GPHN: variants seen among roughly 807,000 people sequenced by gnomAD.
GPHN encodes gephyrin.
GPHN carries 17 observed loss-of-function variants against 95.5 expected under a neutral mutation model. The observed-to-expected ratio is 0.18, with a 90% CI of 0.12 to 0.27. GPHN has a LOEUF of 0.27. GPHN is among the 10% of genes least tolerant of loss of function. The pLI, the probability that GPHN is intolerant of heterozygous loss-of-function variation, is 1.00. For synonymous variants in GPHN, 320 were observed against 322.5 expected (o/e 0.99, Z 0.08); for missense variants, 660 against 978.1 (o/e 0.67, Z 4.34).
At chr14:66,980,897 A>G (rs2070615223) in intron 9 of GPHN, among the ~76,000 whole-genome samples, 3 of 152,140 alleles carry the variant, frequency 2.0e-5, no homozygotes, top group Admixed American at 1.3e-4. Context: ...TTAAAAACAC[A>G]AAATTAGCTG....
At chr14:67,659,871 G>A in the GPHN span, 1 of 1,614,180 alleles carries the variant, frequency 6.2e-7, no homozygotes, top group Non-Finnish European at 8.5e-7. Flanking sequence ...GACATCATGG[G>A]GTTTCGGAAA....
intron 4 of GPHN, among the ~76,000 whole-genome samples, chr14:66,854,306 C>CT (rs2062710812): frequency 6.6e-6 from 1 of 152,076 alleles, no homozygotes; most frequent in Non-Finnish European, 1.5e-5. Flanking sequence ...TTCCTTTTAT[C>CT]CCAAATAATG....
chr14:67,053,146 A>G (rs2075383968), intron 10 of GPHN, among the ~76,000 whole-genome samples: 1 of 151,278 alleles, frequency 6.6e-6, no homozygotes. Context: ...AAAACCTTAA[A>G]AAAAATCAAT....
At chr14:66,828,891 G>C (rs1818502762) in intron 4 of GPHN, among the ~76,000 whole-genome samples, 1 of 149,788 alleles carries the variant, frequency 6.7e-6, no homozygotes, top group Admixed American at 6.6e-5. Flanking sequence ...TTATGAATTT[G>C]TTTATATTTT....
the GPHN span, chr14:67,733,946 C>A: frequency 1.1e-6 from 1 of 870,558 alleles, no homozygotes; most frequent in Non-Finnish European, 1.9e-6. Context: ...TCTTGGCCAG[C>A]TGGTGCTGCG....
intron 1 of GPHN, among the ~76,000 whole-genome samples, chr14:66,531,193 G>A (rs149699100): frequency 8.5e-5 from 13 of 152,140 alleles, no homozygotes; most frequent in African/African-American, 2.9e-4. Context: ...TGATCCACCC[G>A]CCTTAGCCCC....
chr14:67,144,828 C>G (rs2080803348), intron 18 of GPHN, among the ~76,000 whole-genome samples: 2 of 152,128 alleles, frequency 1.3e-5, no homozygotes, highest in Admixed American at 1.3e-4. Context: ...AGTGTCAGAG[C>G]CTTTCAGAAT....
chr14:66,692,983 A>C (rs1422335851), intron 2 of GPHN, among the ~76,000 whole-genome samples: 1 of 152,064 alleles, frequency 6.6e-6, no homozygotes, highest in Non-Finnish European at 1.5e-5. Context: ...TTATGTGGGT[A>C]ACATCTATTG....
chr14:67,240,411 G>A, the GPHN span, among the ~76,000 whole-genome samples: 1 of 152,324 alleles, frequency 6.6e-6, no homozygotes, highest in Middle Eastern at 3.4e-3. Flanking sequence ...GAGAGAAATG[G>A]AAATGGCATA....
rs544825068 is a variant in GPHN, at chr14:66,680,162, T to C, written c.65-945T>C. 4.6e-5 allele frequency among the ~76,000 whole-genome samples: 7 copies of C among 152,344 alleles called. No homozygotes were observed. In the East Asian group the frequency reaches 1.2e-3, roughly 25 times the overall value. On this transcript the variant is annotated intron_variant, in intron 1 of 22. Transcript: ENST00000478722. Reference sequence around the variant, plus strand: ...AATGTCCTAATGACAACAACTGTTGTGTTGCAGACTCTTCTGTCTGGTGAC... The same window carrying C: ...AATGTCCTAATGACAACAACTGTTGCGTTGCAGACTCTTCTGTCTGGTGAC...
intron 10 of GPHN, among the ~76,000 whole-genome samples, chr14:67,025,910 C>G (rs1420966341): frequency 1.3e-5 from 2 of 152,150 alleles, no homozygotes; most frequent in Non-Finnish European, 2.9e-5. Flanking sequence ...TCCATCAATC[C>G]CAAATGATTA....
chr14:67,411,989 C>A, the GPHN span: 4 of 1,530,526 alleles, frequency 2.6e-6, no homozygotes, highest in South Asian at 4.8e-5. Context: ...CCCACCCGGG[C>A]AATGTCCCGA....
chr14:67,162,538 T>C (rs555714304), intron 19 of GPHN, among the ~76,000 whole-genome samples: 46 of 152,360 alleles, frequency 3.0e-4, no homozygotes, highest in African/African-American at 8.7e-4. Context: ...AGAAAAGCAT[T>C]TGGAGTATCA....
the GPHN span, chr14:67,392,350 C>T: frequency 6.2e-7 from 1 of 1,612,410 alleles, no homozygotes; most frequent in Admixed American, 1.7e-5. Context: ...AGCCTTGTTT[C>T]ACCACCGTGC....
chr14:67,358,118 T>A, the GPHN span, among the ~76,000 whole-genome samples: 225 of 152,112 alleles, frequency 1.5e-3, no homozygotes, highest in African/African-American at 5.2e-3. Flanking sequence ...GGGGGCGGCC[T>A]GGGGTCACCC....
chr14:67,621,019 A>G, the GPHN span: 1 of 1,548,386 alleles, frequency 6.5e-7, no homozygotes, highest in Non-Finnish European at 8.9e-7. Context: ...AGACCACTTC[A>G]GAGTCTTTTC....
At chr14:66,949,049 A>G (rs1596475640) in intron 8 of GPHN, among the ~76,000 whole-genome samples, 1 of 152,266 alleles carries the variant, frequency 6.6e-6, no homozygotes, top group Non-Finnish European at 1.5e-5. Flanking sequence ...GATATAACCC[A>G]TTTAGGTATT....
chr14:67,060,628 C>T (rs2075788158), intron 11 of GPHN, among the ~76,000 whole-genome samples: 1 of 152,230 alleles, frequency 6.6e-6, no homozygotes, highest in East Asian at 1.9e-4. Context: ...AAACTCCTGC[C>T]CCATGGATTT....
At chr14:67,205,324 A>G in the GPHN span, among the ~76,000 whole-genome samples, 1 of 152,194 alleles carries the variant, frequency 6.6e-6, no homozygotes, top group Non-Finnish European at 1.5e-5. Context: ...CCAGCATCAG[A>G]AATGGAAAGA....
Sources: gnomAD v4.1 joint callset for allele counts (sites outside exome capture counted in the v4.1 genomes callset) on GRCh38, gnomAD v4.1.1 for gene constraint, MANE v1.5 for transcripts, NCBI Gene and HGNC (gene_info 2026-07-23, HGNC 2026-07-21) for gene names.